Variants in IRAK1BP1 observed in about 807,000 individuals in gnomAD.
IRAK1BP1 encodes interleukin-1 receptor-associated kinase 1-binding protein 1.
In IRAK1BP1, 24 loss-of-function variants were observed where a neutral mutation model predicts 28.0. The ratio of observed to expected loss-of-function variants is 0.86; its 90% CI spans 0.62 to 1.20. The LOEUF (loss-of-function observed/expected upper bound fraction) is 1.20. Ranked by LOEUF, IRAK1BP1 falls within the 50% of genes most tolerant of loss-of-function variation. The pLI is 0.00. For missense variants in IRAK1BP1, 336 were observed against 316.7 expected (o/e 1.06, Z -0.46); for synonymous variants, 131 against 116.3 (o/e 1.13, Z -0.81).
chr6:78,874,319 G>A (rs576833239), intron 1 of IRAK1BP1, among the ~76,000 whole-genome samples: 32 of 152,228 alleles, frequency 2.1e-4, no homozygotes, highest in Middle Eastern at 3.4e-3. Flanking sequence ...ACCTATTACG[G>A]CTTACCCTGA....
intron 1 of IRAK1BP1, among the ~76,000 whole-genome samples, chr6:78,880,717 G>T (rs1044883180): frequency 2.0e-5 from 3 of 152,126 alleles, no homozygotes; most frequent in Admixed American, 6.5e-5. Context: ...ATGCACAAAA[G>T]ATCTTAACAG....
At chr6:78,976,590 C>A in the IRAK1BP1 span, among the ~76,000 whole-genome samples, 1 of 139,412 alleles carries the variant, frequency 7.2e-6, no homozygotes, top group African/African-American at 2.6e-5. Flanking sequence ...GAACAGGCAA[C>A]CTACAAAATG....
At chr6:78,882,285 TGAAA>T (rs1286376921) in intron 1 of IRAK1BP1, among the ~76,000 whole-genome samples, 1 of 152,144 alleles carries the variant, frequency 6.6e-6, no homozygotes, top group Non-Finnish European at 1.5e-5. Flanking sequence ...GGAGCCAACC[TGAAA>T]GAAGTCCCAA....
At chr6:78,868,164 C>G (rs1770658006) in intron 1 of IRAK1BP1, among the ~76,000 whole-genome samples, 1 of 152,186 alleles carries the variant, frequency 6.6e-6, no homozygotes, top group Non-Finnish European at 1.5e-5. Flanking sequence ...ATATTTGCTT[C>G]AGTGATTTTG....
At chr6:78,923,231 C>T (rs1490862640) in intron 4 of IRAK1BP1, among the ~76,000 whole-genome samples, 8 of 151,060 alleles carry the variant, frequency 5.3e-5, no homozygotes, top group Non-Finnish European at 1.2e-4. Context: ...GGAGGAAGAT[C>T]TACCAAGCAC....
chr6:78,888,989 C>T (rs529116790), intron 2 of IRAK1BP1, among the ~76,000 whole-genome samples: 58 of 151,050 alleles, frequency 3.8e-4, no homozygotes, highest in Non-Finnish European at 7.2e-4. Flanking sequence ...TGATGGCATG[C>T]ACCTGTAGAC....
chr6:78,940,610 G>T lies in IRAK1BP1; in HGVS notation c.*68-4798G>T, dbSNP rs1486958693. 6.5e-5 allele frequency: 19 copies of T among 294,208 alleles called. No homozygotes were observed. In the East Asian group the frequency reaches 1.1e-3, roughly 17 times the overall value. The allele number at this position is 294,208 out of a possible 1,614,324, so 18.2% of individuals were successfully genotyped here. On this transcript the variant is annotated intron_variant and NMD_transcript_variant, in intron 4 of 4. Coordinates refer to the IRAK1BP1 transcript ENST00000606868. ...TAACATTCCCTACTCCACCACAGCA[G>T]CAAGGAAGCAGAAGCCTTAGTTCTA... is the stretch of plus-strand genomic sequence containing the variant.
At chr6:78,878,165 T>G (rs553633666) in intron 1 of IRAK1BP1, among the ~76,000 whole-genome samples, 1 of 152,120 alleles carries the variant, frequency 6.6e-6, no homozygotes, top group East Asian at 1.9e-4. Context: ...AGCACGGAGT[T>G]TGAGATCTGA....
chr6:78,968,072 T>C, the IRAK1BP1 span, among the ~76,000 whole-genome samples: 97 of 152,146 alleles, frequency 6.4e-4, 1 homozygote, highest in South Asian at 8.1e-3. Flanking sequence ...GAGGTGGAAC[T>C]TGCAGTGAGC....
the IRAK1BP1 span, among the ~76,000 whole-genome samples, chr6:78,968,798 ATC>A: frequency 6.6e-6 from 1 of 152,266 alleles, no homozygotes; most frequent in East Asian, 1.9e-4. Flanking sequence ...TCTTCCCACA[ATC>A]TCTAACAGCT....
intron 4 of IRAK1BP1, among the ~76,000 whole-genome samples, chr6:78,944,834 T>A (rs143872223): frequency 6.6e-6 from 1 of 152,302 alleles, no homozygotes; most frequent in East Asian, 1.9e-4. Flanking sequence ...ACCTTCTTCA[T>A]CTTTCAAACA....
intron 4 of IRAK1BP1, among the ~76,000 whole-genome samples, chr6:78,921,308 C>G (rs1418278760): frequency 6.6e-6 from 1 of 152,216 alleles, no homozygotes; most frequent in Non-Finnish European, 1.5e-5. Context: ...CTCCAATGCT[C>G]ATGAAGCCTC....
rs114005123 is a variant in IRAK1BP1, at chr6:78,902,685, C to T, written c.*4351C>T. 2.6e-3 allele frequency: 607 copies of T among 238,008 alleles called. 4 individuals are homozygous for T. The highest frequency in any genetic ancestry group is 0.01 in the African/African-American group (466 of 44,900). The allele number at this position is 238,008 out of a possible 1,614,324, so 14.7% of individuals were successfully genotyped here. ...ACCGGGGAGGCTGAAGCAGAAGAAA[C>T]GCTCGAACCTGGGAGGCAGAGCTTA... On this transcript the variant is annotated 3_prime_UTR_variant, in exon 4 of 4. Coordinates refer to ENST00000369940, the MANE Select transcript of IRAK1BP1 (RefSeq NM_001010844.4).
chr6:78,899,439 A>G lies in IRAK1BP1; in HGVS notation c.*1105A>G, dbSNP rs1772020791. The G allele has an allele frequency of 1.3e-5, 2 of 152,240 alleles. No homozygotes were observed. The highest frequency in any genetic ancestry group is 4.8e-5 in the African/African-American group (2 of 41,464). The allele number at this position is 152,240 out of a possible 1,614,324, so 9.4% of individuals were successfully genotyped here. A position where few individuals can be genotyped will look rare whatever the true frequency, so the allele number is the denominator to read the frequency against. ...ATTCATAGCTTTTTACAAAAGAATA[A>G]TGAGGTATAATAGGAAAATGTTTTG... On this transcript the variant is annotated 3_prime_UTR_variant, in exon 4 of 4. Transcript: ENST00000369940.
chr6:78,874,956 A>T lies in IRAK1BP1; in HGVS notation c.315+7065A>T, dbSNP rs147607534. Among the ~76,000 whole-genome samples, 852 of 152,334 alleles carry T rather than the reference A, an allele frequency of 5.6e-3. 6 individuals are homozygous for T. Among genetic ancestry groups the T allele is most frequent in the African/African-American group, 0.02 (825 of 41,574 alleles). Reference sequence around the variant, plus strand: ...GAAACTATCAACAGAGTAAACAGAAACACTATAGAATGGGAGAAAATATTT... The same window carrying T: ...GAAACTATCAACAGAGTAAACAGAATCACTATAGAATGGGAGAAAATATTT... On this transcript the variant is annotated intron_variant, in intron 1 of 3. Coordinates refer to ENST00000369940, the MANE Select transcript of IRAK1BP1 (RefSeq NM_001010844.4).
Position 78,867,651 on chromosome 6 carries a change from C to A in IRAK1BP1, c.75C>A (p.Asn25Lys), listed in dbSNP as rs915927485. 1 of 1,614,124 alleles carries A rather than the reference C, an allele frequency of 6.2e-7. No individual in the cohort carries two copies. Among genetic ancestry groups the A allele is most frequent in the African/African-American group, 1.3e-5 (1 of 74,940 alleles). ...CCTGGGCTGACCGGAGCCGGGAGAA[C>A]AACCTGGCCTCAGGGAGAGAGACGC... The part of the protein sequence containing the change: ...LVPWADRSRE[N>K]NLASGRETLP... The change falls in exon 1 of 4, where the codon AAC becomes AAA. Residue 25 changes from asparagine to lysine, a missense_variant. By Grantham distance (94) the Asn-to-Lys change is moderately conservative. Transcript: ENST00000369940.
In IRAK1BP1 at chr6:78,945,146, CA is replaced by C. The variant is rs1246687012; in HGVS notation, c.*68-260del. Among the ~76,000 whole-genome samples the C allele has an allele frequency of 1.2e-4, 18 of 150,906 alleles. No homozygotes were observed. In the East Asian group the frequency reaches 2.1e-3, roughly 18 times the overall value. On this transcript the variant is annotated intron_variant and NMD_transcript_variant, in intron 4 of 4. Transcript: ENST00000606868. ...TTTACCAGGATGGAGTGCAGTGGCACAATAATAGCTCATTGCAGTAAATTTA... is the reference window on the plus strand; with the variant it reads ...TTTACCAGGATGGAGTGCAGTGGCACATAATAGCTCATTGCAGTAAATTTA...
At chr6:78,892,591 CA>C (rs1771700905) in intron 2 of IRAK1BP1, among the ~76,000 whole-genome samples, 1 of 151,946 alleles carries the variant, frequency 6.6e-6, no homozygotes. Context: ...AAGTAAAGCT[CA>C]TAATAAGGAG....
At chr6:78,964,284 C>T in the IRAK1BP1 span, among the ~76,000 whole-genome samples, 1 of 152,100 alleles carries the variant, frequency 6.6e-6, no homozygotes, top group Non-Finnish European at 1.5e-5. Flanking sequence ...GAGAACTAAT[C>T]TTAGCTAATC....
Sources: gnomAD v4.1 joint callset for allele counts (sites outside exome capture counted in the v4.1 genomes callset) on GRCh38, gnomAD v4.1.1 for gene constraint, MANE v1.5 for transcripts, NCBI Gene and HGNC (gene_info 2026-07-23, HGNC 2026-07-21) for gene names.